KLRG1: variants seen among roughly 807,000 people sequenced by gnomAD.
KLRG1 encodes the protein killer cell lectin like receptor G1, also known as killer cell lectin-like receptor subfamily G member 1.
Under a neutral mutation model 21.8 loss-of-function variants are expected in KLRG1, and 16 were observed. The observed-to-expected ratio is 0.73, with a 90% confidence interval of 0.50 to 1.11. The LOEUF (loss-of-function observed/expected upper bound fraction) is 1.11, where lower values mean the gene tolerates loss of function less well. Ranked by LOEUF, KLRG1 falls within the 50% of genes most tolerant of loss-of-function variation. KLRG1 has a pLI of 0.00. For missense variants in KLRG1, 173 were observed against 218.3 expected, an observed-to-expected ratio of 0.79 and a Z score of 1.31; for synonymous variants, 69 against 75.9, an observed-to-expected ratio of 0.91 and a Z score of 0.47.
chr12:9,139,878 A>G, the KLRG1 span, among the ~76,000 whole-genome samples: 977 of 152,332 alleles, frequency 6.4e-3, 3 homozygotes, highest in Middle Eastern at 0.014. Flanking sequence ...TCTCTCTTAC[A>G]GACTAAGAGT....
the KLRG1 span, chr12:9,098,491 T>G: frequency 8.4e-7 from 1 of 1,186,610 alleles, no homozygotes; most frequent in Non-Finnish European, 1.1e-6. Context: ...CTCAAAGCAA[T>G]TAATTCCTAG....
At chr12:8,993,297 TAA>T (rs1185927134) in intron 2 of KLRG1, among the ~76,000 whole-genome samples, 1 of 152,076 alleles carries the variant, frequency 6.6e-6, no homozygotes, top group Non-Finnish European at 1.5e-5. Context: ...TAAATTTTTT[TAA>T]AAATTTTGAG....
the KLRG1 span, among the ~76,000 whole-genome samples, chr12:9,204,363 A>G: frequency 6.6e-6 from 1 of 152,216 alleles, no homozygotes; most frequent in Admixed American, 6.5e-5. Context: ...TGTAAAAAGG[A>G]CTTACATTAA....
chr12:9,168,628 C>T, the KLRG1 span: 26 of 409,370 alleles, frequency 6.4e-5, no homozygotes, highest in East Asian at 1.2e-4. Context: ...TCTTACAGTA[C>T]ATCAGAATCT....
At chr12:9,110,079 A>G in the KLRG1 span, 10 of 1,561,856 alleles carry the variant, frequency 6.4e-6, no homozygotes, top group Admixed American at 1.5e-4. Context: ...CACCTGGAGC[A>G]TTGGAGCTAA....
At chr12:9,072,528 C>A in the KLRG1 span, 1 of 1,602,234 alleles carries the variant, frequency 6.2e-7, no homozygotes, top group South Asian at 1.1e-5. Flanking sequence ...TGCCCTTTCC[C>A]AGAATTCCTG....
At chr12:9,194,227 C>A in the KLRG1 span, 25 of 1,613,710 alleles carry the variant, frequency 1.5e-5, no homozygotes, top group East Asian at 5.1e-4. Flanking sequence ...CTTTTCCATC[C>A]ACCAGAAGCA....
the KLRG1 span, chr12:9,077,015 G>A: frequency 1.4e-6 from 2 of 1,385,280 alleles, no homozygotes; most frequent in South Asian, 1.7e-5. Flanking sequence ...ACGGATCACA[G>A]CACAGAAGTT....
At chr12:9,130,317 G>A in the KLRG1 span, among the ~76,000 whole-genome samples, 38,625 of 152,090 alleles carry the variant, frequency 0.25, 5,642 homozygotes, top group Admixed American at 0.33. Context: ...ACACCCATAA[G>A]TAAAATTCCT....
the KLRG1 span, chr12:9,194,019 A>C: frequency 1.3e-6 from 2 of 1,486,398 alleles, no homozygotes; most frequent in Non-Finnish European, 1.9e-6. Context: ...TTTCTTCTGA[A>C]TATATCACTG....
the KLRG1 span, among the ~76,000 whole-genome samples, chr12:9,017,260 A>ATC: frequency 1.4e-5 from 1 of 70,560 alleles, no homozygotes; most frequent in African/African-American, 5.2e-5. Flanking sequence ...GTGAAACTCC[A>ATC]TCTCAAAAAA....
At chr12:9,185,809 C>CTTTTCTTTTCTTTTCTTT in the KLRG1 span, among the ~76,000 whole-genome samples, 1 of 149,472 alleles carries the variant, frequency 6.7e-6, no homozygotes, top group East Asian at 1.9e-4. Flanking sequence ...CTTTTCTTTT[C>CTTTTCTTTTCTTTTCTTT]TTTTCTTTTT....
the KLRG1 span, among the ~76,000 whole-genome samples, chr12:9,195,802 A>G: frequency 2.6e-5 from 4 of 151,610 alleles, no homozygotes; most frequent in Non-Finnish European, 5.9e-5. Flanking sequence ...AATTATCAAT[A>G]TGAATAAAAT....
chr12:9,072,632 T>G, the KLRG1 span: 5 of 1,612,732 alleles, frequency 3.1e-6, no homozygotes, highest in Non-Finnish European at 4.2e-6. Context: ...TGTCCTGTCC[T>G]CACCTGCCCA....
the KLRG1 span, among the ~76,000 whole-genome samples, chr12:9,151,967 T>G: frequency 3.9e-5 from 6 of 152,232 alleles, no homozygotes; most frequent in African/African-American, 1.4e-4. Flanking sequence ...TTTATTGTTT[T>G]GTGCCCATGT....
chr12:9,192,466 T>A, the KLRG1 span: 2 of 1,548,748 alleles, frequency 1.3e-6, no homozygotes, highest in East Asian at 4.5e-5. Context: ...TGACCACTTT[T>A]GTCCTACTGA....
chr12:8,968,372 C>CAATTTTATAAGGGATAAGGGGTGAT (rs1946513896), intron 1 of KLRG1, among the ~76,000 whole-genome samples: 1 of 152,024 alleles, frequency 6.6e-6, no homozygotes, highest in Non-Finnish European at 1.5e-5. Flanking sequence ...AATAGAGTGA[C>CAATTTTATAAGGGATAAGGGGTGAT]AATTTTATAA....
the KLRG1 span, among the ~76,000 whole-genome samples, chr12:9,030,976 C>T: frequency 3.3e-4 from 51 of 152,288 alleles, no homozygotes; most frequent in East Asian, 3.9e-3. Context: ...TAGCATCTCC[C>T]GGCAGGGGGT....
At chr12:9,131,517 T>C in the KLRG1 span, among the ~76,000 whole-genome samples, 1 of 152,064 alleles carries the variant, frequency 6.6e-6, no homozygotes, top group East Asian at 1.9e-4. Flanking sequence ...TCCTTGTTTT[T>C]GAGGTATAGT....
Sources: allele counts gnomAD v4.1 joint callset (sites outside exome capture counted in the v4.1 genomes callset), GRCh38; gene constraint gnomAD v4.1.1; transcripts MANE v1.5; gene names NCBI Gene and HGNC (gene_info 2026-07-23, HGNC 2026-07-21).